Variants in SPMIP7 observed in about 807,000 individuals in gnomAD.
SPMIP7 encodes the protein sperm microtubule inner protein 7.
the SPMIP7 span, chr7:50,151,377 T>C: frequency 1.7e-6 from 2 of 1,159,556 alleles, no homozygotes; most frequent in Non-Finnish European, 2.5e-6. Context: ...ATTTGGGTGC[T>C]AGTTACCATG....
chr7:50,140,320 C>G, the SPMIP7 span: 1 of 473,890 alleles, frequency 2.1e-6, no homozygotes, highest in African/African-American at 2.0e-5. Flanking sequence ...GTGTGGCACA[C>G]AGTGCCTGTT....
chr7:50,104,880 TC>T, the SPMIP7 span, among the ~76,000 whole-genome samples: 12 of 152,144 alleles, frequency 7.9e-5, no homozygotes, highest in Admixed American at 5.9e-4. Context: ...TCTTCTGTCT[TC>T]CCTCCCCTTG....
the SPMIP7 span, among the ~76,000 whole-genome samples, chr7:50,112,498 C>T: frequency 7.6e-6 from 1 of 131,564 alleles, no homozygotes; most frequent in Non-Finnish European, 1.6e-5. Flanking sequence ...CAAAGTAAAT[C>T]AAAAGAAAGC....
chr7:50,117,687 A>G, the SPMIP7 span, among the ~76,000 whole-genome samples: 3 of 152,194 alleles, frequency 2.0e-5, no homozygotes, highest in Admixed American at 2.0e-4. Flanking sequence ...GTCTTATTAT[A>G]AAACTCAGAA....
At chr7:50,121,156 T>A in the SPMIP7 span, 1 of 152,204 alleles carries the variant, frequency 6.6e-6, no homozygotes, top group Non-Finnish European at 1.5e-5. Flanking sequence ...TATAATGAAT[T>A]GTGAATTTAT....
the SPMIP7 span, among the ~76,000 whole-genome samples, chr7:50,139,445 T>G: frequency 6.6e-6 from 1 of 152,224 alleles, no homozygotes; most frequent in Non-Finnish European, 1.5e-5. Context: ...ATGTAATTTT[T>G]TTCTACTAAT....
At chr7:50,124,857 G>A in the SPMIP7 span, among the ~76,000 whole-genome samples, 1 of 151,956 alleles carries the variant, frequency 6.6e-6, no homozygotes, top group Non-Finnish European at 1.5e-5. Context: ...CCAGGACTTT[G>A]GGAGGCCAAG....
the SPMIP7 span, among the ~76,000 whole-genome samples, chr7:50,120,874 C>T: frequency 1.3e-5 from 2 of 152,170 alleles, no homozygotes; most frequent in African/African-American, 4.8e-5. Context: ...CAGACTATGA[C>T]CACTAAGACT....
the SPMIP7 span, chr7:50,136,302 C>G: frequency 1.6e-6 from 1 of 637,288 alleles, no homozygotes; most frequent in East Asian, 2.8e-5. Flanking sequence ...CCCAGGGACT[C>G]CCTGACTCAC....
At chr7:50,099,373 G>A in the SPMIP7 span, among the ~76,000 whole-genome samples, 1 of 152,112 alleles carries the variant, frequency 6.6e-6, no homozygotes, top group Non-Finnish European at 1.5e-5. Flanking sequence ...TTTCTGTGGG[G>A]TATGTTATTT....
chr7:50,096,174 C>A, the SPMIP7 span: 1 of 1,551,334 alleles, frequency 6.4e-7, no homozygotes, highest in South Asian at 1.2e-5. Flanking sequence ...ATAGATTACC[C>A]ACACTATTGT....
At chr7:50,145,654 ATATATAC>A in the SPMIP7 span, among the ~76,000 whole-genome samples, 1 of 116,528 alleles carries the variant, frequency 8.6e-6, no homozygotes, top group South Asian at 2.7e-4. Flanking sequence ...ATATATATAT[ATATATAC>A]ATCTTACATA....
At chr7:50,109,614 A>G in the SPMIP7 span, among the ~76,000 whole-genome samples, 1 of 152,150 alleles carries the variant, frequency 6.6e-6, no homozygotes, top group African/African-American at 2.4e-5. Flanking sequence ...ACCTCAAGTG[A>G]TCCACCCGCC....
chr7:50,115,871 A>G, the SPMIP7 span, among the ~76,000 whole-genome samples: 1 of 152,176 alleles, frequency 6.6e-6, no homozygotes. Context: ...CAAACTTAAT[A>G]TTAAATAGTG....
chr7:50,134,244 C>A, the SPMIP7 span: 1 of 1,534,748 alleles, frequency 6.5e-7, no homozygotes, highest in Non-Finnish European at 8.8e-7. Flanking sequence ...AGCAATAACT[C>A]AGGTCAGCAG....
the SPMIP7 span, chr7:50,104,485 T>A: frequency 6.7e-5 from 32 of 478,568 alleles, no homozygotes; most frequent in South Asian, 2.6e-4. Flanking sequence ...AATTAGTTTA[T>A]TTTATTGTTT....
chr7:50,158,108 C>T, the SPMIP7 span, among the ~76,000 whole-genome samples: 1 of 152,240 alleles, frequency 6.6e-6, no homozygotes, highest in Admixed American at 6.5e-5. Flanking sequence ...GCCCCTCCCG[C>T]CCATGTCTTT....
the SPMIP7 span, among the ~76,000 whole-genome samples, chr7:50,123,145 T>C: frequency 1.3e-4 from 16 of 127,932 alleles, no homozygotes; most frequent in East Asian, 3.3e-3. Context: ...CTATTCACAA[T>C]AGCAAAGACT....
the SPMIP7 span, among the ~76,000 whole-genome samples, chr7:50,098,697 G>T: frequency 6.6e-6 from 1 of 152,018 alleles, no homozygotes; most frequent in African/African-American, 2.4e-5. Flanking sequence ...GAGAGAGAGA[G>T]CTCTAGTCTC....
Sources: allele counts gnomAD v4.1 joint callset (sites outside exome capture counted in the v4.1 genomes callset), GRCh38; gene constraint gnomAD v4.1.1; transcripts MANE v1.5; gene names NCBI Gene and HGNC (gene_info 2026-07-23, HGNC 2026-07-21).